The following GALC variants were observed in gnomAD, a reference collection of about 807,000 sequenced individuals.
GALC encodes the protein galactosylceramidase.
Under a neutral mutation model 91.8 loss-of-function variants are expected in GALC, and 77 were observed. The ratio of observed to expected loss-of-function variants is 0.84; its 90% CI spans 0.70 to 1.01. The LOEUF is 1.01. Ranked by LOEUF, GALC falls within the 50% of genes least tolerant of loss-of-function variation. The pLI is 0.00. For missense variants in GALC, 882 were observed against 855.9 expected, an observed-to-expected ratio of 1.03 and a Z score of -0.38; for synonymous variants, 357 against 306.7, an observed-to-expected ratio of 1.16 and a Z score of -1.71.
At chr14:87,969,441 A>C (rs924715226) in intron 7 of GALC, among the ~76,000 whole-genome samples, 1 of 152,200 alleles carries the variant, frequency 6.6e-6, no homozygotes, top group Non-Finnish European at 1.5e-5. Flanking sequence ...TGCAAGAGTA[A>C]AATACTCCCA....
intron 16 of GALC, among the ~76,000 whole-genome samples, chr14:87,935,220 A>G (rs1595184113): frequency 6.6e-6 from 1 of 152,146 alleles, no homozygotes; most frequent in South Asian, 2.1e-4. Context: ...AACAAAAGTT[A>G]TTTATAAGTA....
In GALC at chr14:87,987,427, T is replaced by G. The variant is rs531796392; in HGVS notation, c.328+717A>C. ...AATAGCTTGAAGAAAGTTTCTGTTA[T>G]GGGGGTTTCTTTTGTTTTTGCTTTG... On this transcript the variant is annotated intron_variant, in intron 3 of 16. Transcript: ENST00000261304. 2.6e-5 allele frequency among the ~76,000 whole-genome samples: 4 copies of G among 152,352 alleles called. No homozygotes were observed. In the South Asian group the frequency reaches 8.3e-4, roughly 32 times the overall value.
intron 10 of GALC, among the ~76,000 whole-genome samples, chr14:87,960,652 G>T (rs1885764234): frequency 6.6e-6 from 1 of 152,088 alleles, no homozygotes; most frequent in Non-Finnish European, 1.5e-5. Context: ...GAAAAAAATT[G>T]AGGTTCTAGA....
chr14:87,963,623 A>AT, intron 9 of GALC, 112 bp from the exon 10 acceptor site: 1 of 892,334 alleles, frequency 1.1e-6, no homozygotes, highest in Non-Finnish European at 1.7e-6. Context: ...CAAACAAGCT[A>AT]TTTTCTATTT....
chr14:87,936,362 C>A (rs912000221), intron 16 of GALC, among the ~76,000 whole-genome samples: 1 of 151,934 alleles, frequency 6.6e-6, no homozygotes, highest in Non-Finnish European at 1.5e-5. Context: ...TACATGCCAA[C>A]CGCCCTTTTT....
intron 6 of GALC, among the ~76,000 whole-genome samples, chr14:87,979,039 TTTTTC>T (rs1193952132): frequency 3.3e-5 from 5 of 152,072 alleles, no homozygotes; most frequent in African/African-American, 7.2e-5. Flanking sequence ...CATTTCTTTT[TTTTTC>T]TTTTCTTTTC....
chr14:87,957,103 T>C (rs1885591006), intron 10 of GALC, among the ~76,000 whole-genome samples: 1 of 152,122 alleles, frequency 6.6e-6, no homozygotes. Context: ...TGCCACTTTT[T>C]AATGGGATTT....
At chr14:87,984,360 C>A in intron 5 of GALC, 34 bp downstream of exon 5, 2 of 1,585,138 alleles carry the variant, frequency 1.3e-6, no homozygotes, top group Non-Finnish European at 1.7e-6. Flanking sequence ...AACAAATGTC[C>A]AAAACTGAAT....
At chr14:87,957,954 A>G (rs538525805) in intron 10 of GALC, among the ~76,000 whole-genome samples, 1 of 152,200 alleles carries the variant, frequency 6.6e-6, no homozygotes, top group African/African-American at 2.4e-5. Flanking sequence ...CTACATATTC[A>G]GTGTAATTCC....
At position 87,976,436 on chromosome 14, in the gene GALC, G is replaced by T. The variant is rs373077659; in HGVS notation, c.674C>A (p.Ala225Glu). Reference sequence around the variant, plus strand: ...GATGGACTCCCAGAGATTATCACTTGCTATGATTTTCACTCGCTGGAGACC... The same window carrying T: ...GATGGACTCCCAGAGATTATCACTTTCTATGATTTTCACTCGCTGGAGACC... ...YQGLQRVKII[A>E]SDNLWESISA... The change falls in exon 7 of 17, where the codon GCA (alanine) becomes GAA (glutamate). Residue 225 changes from alanine (A) to glutamate (E), a missense_variant. Transcript: ENST00000261304. 3.0e-5 allele frequency: 49 copies of T among 1,613,140 alleles called. No individual in the cohort carries two copies. Among genetic ancestry groups the T allele is most frequent in the Non-Finnish European group, 3.9e-5 (46 of 1,179,256 alleles).
At chr14:87,937,433 T>C (rs1430918824) in intron 16 of GALC, among the ~76,000 whole-genome samples, 1 of 151,888 alleles carries the variant, frequency 6.6e-6, no homozygotes, top group Non-Finnish European at 1.5e-5. Flanking sequence ...TCAGAGTATG[T>C]GGCAAAAGCT....
Position 87,934,717 on chromosome 14 carries a change from A to T in GALC, c.*15T>A. 1.2e-6 allele frequency: 2 copies of T among 1,612,988 alleles called. No individual in the cohort carries two copies. On this transcript the variant is annotated 3_prime_UTR_variant, in exon 17 of 17. Coordinates refer to ENST00000261304, the MANE Select transcript of GALC (RefSeq NM_000153.4). The stretch of plus-strand genomic sequence containing the variant: ...GGAAGAAAATCCAGAGTATTCTATG[A>T]TGCCCTGTTAAGTATTAGCGTGTGG...
At chr14:87,940,348 C>G (rs997375668) in intron 15 of GALC, among the ~76,000 whole-genome samples, 1 of 151,800 alleles carries the variant, frequency 6.6e-6, no homozygotes, top group Non-Finnish European at 1.5e-5. Context: ...TATAAAATTT[C>G]CAGCCAGTCT....
intron 13 of GALC, 51 bp from the exon 14 acceptor site, chr14:87,945,784 T>G (rs1885049710): frequency 7.5e-7 from 1 of 1,341,456 alleles, no homozygotes; most frequent in African/African-American, 1.4e-5. Context: ...CTTCAGAAGC[T>G]CTCCTTGCTG....
intron 4 of GALC, among the ~76,000 whole-genome samples, chr14:87,985,906 G>A (rs903107787): frequency 1.3e-5 from 2 of 152,308 alleles, no homozygotes; most frequent in Admixed American, 6.5e-5. Context: ...TGCAGGAATT[G>A]GGGACGGGAT....
Position 87,933,195 on chromosome 14 carries a change from G to A in GALC, c.*1537C>T, listed in dbSNP as rs1884432854. 6.6e-6 allele frequency: 1 copy of A among 152,332 alleles called. No homozygotes were observed. The highest frequency in any genetic ancestry group is 1.5e-5 in the Non-Finnish European group (1 of 67,994). The allele number at this position is 152,332 out of a possible 1,614,324, so 9.4% of individuals were successfully genotyped here. ...AAGAAACCATTCATAAGAATACACAGTACATGACGCCGCTTTCATGATGTT... is the reference window on the plus strand; with the variant it reads ...AAGAAACCATTCATAAGAATACACAATACATGACGCCGCTTTCATGATGTT... On this transcript the variant is annotated 3_prime_UTR_variant, in exon 17 of 17. Coordinates refer to ENST00000261304, the MANE Select transcript of GALC (RefSeq NM_000153.4).
At chr14:87,964,816 T>A (rs553127118) in intron 9 of GALC, among the ~76,000 whole-genome samples, 1 of 152,306 alleles carries the variant, frequency 6.6e-6, no homozygotes, top group East Asian at 1.9e-4. Context: ...AAATTTGTGC[T>A]ATGTTGACTT....
chr14:87,973,172 C>T (rs1314932518), intron 7 of GALC, among the ~76,000 whole-genome samples: 1 of 152,036 alleles, frequency 6.6e-6, no homozygotes, highest in East Asian at 1.9e-4. Flanking sequence ...TCAAACTGTC[C>T]TTCAAGTATA....
intron 10 of GALC, chr14:87,955,261 T>C: frequency 2.5e-6 from 2 of 815,618 alleles, no homozygotes; most frequent in Admixed American, 1.9e-5. Flanking sequence ...GATTTGTCTT[T>C]TGAAGTAAAT....
Sources: allele counts gnomAD v4.1 joint callset (sites outside exome capture counted in the v4.1 genomes callset), GRCh38; gene constraint gnomAD v4.1.1; transcripts MANE v1.5; gene names NCBI Gene and HGNC (gene_info 2026-07-23, HGNC 2026-07-21).